BSCL2: variants seen among roughly 807,000 people sequenced by gnomAD.
BSCL2 encodes seipin.
In BSCL2, 41 loss-of-function variants were observed where a neutral mutation model predicts 57.4. The ratio of observed to expected loss-of-function variants is 0.71; its 90% CI spans 0.56 to 0.93. The LOEUF (loss-of-function observed/expected upper bound fraction) is 0.93, where lower values mean the gene tolerates loss of function less well. Ranked by LOEUF, BSCL2 falls within the 40% of genes least tolerant of loss-of-function variation. The pLI, the probability that BSCL2 is intolerant of heterozygous loss-of-function variation, is 0.00. For missense variants in BSCL2, 539 were observed against 586.7 expected, an observed-to-expected ratio of 0.92 and a Z score of 0.84; for synonymous variants, 237 against 227.3, an observed-to-expected ratio of 1.04 and a Z score of -0.38.
At chr11:62,705,683 A>G (rs1441665925) in intron 1 of BSCL2, 66 bp from the exon 2 acceptor site, 1 of 1,402,402 alleles carries the variant, frequency 7.1e-7, no homozygotes, top group Non-Finnish European at 9.5e-7. Flanking sequence ...AAAACAGCTT[A>G]CTGGACTGGC....
rs764526052 is a variant in BSCL2, at chr11:62,694,547, A to C, written c.630+21T>G. 2.5e-6 allele frequency: 4 copies of C among 1,613,772 alleles called. No individual in the cohort carries two copies. The South Asian group carries it at 4.4e-5, about 18-fold the overall frequency. On this transcript the variant is annotated intron_variant, in intron 4 of 10. Transcript: ENST00000360796. ...CTGCCATCTTCCTCCACACCTTCTC[A>C]GACAGGCCACCAACACTTACCGAAC...
At chr11:62,690,266 G>A (rs1310515312), downstream of BSCL2, 2 of 1,550,096 alleles carry the variant, frequency 1.3e-6, no homozygotes, top group Non-Finnish European at 1.8e-6. Flanking sequence ...CCATTTCAGA[G>A]TCAAGGAAGA....
chr11:62,707,280 C>T lies in BSCL2; in HGVS notation c.-85G>A. ...TGAAGTGGCGATCCAGACGCTGATA[C>T]CTGTGGCGCATCACATTTTCCTGGA... On this transcript the variant is annotated 5_prime_UTR_variant, in exon 1 of 11. Coordinates refer to ENST00000360796, the MANE Select transcript of BSCL2 (RefSeq NM_001122955.4). The T allele has an allele frequency of 8.6e-7, 1 of 1,160,156 alleles. No homozygotes were observed. Among genetic ancestry groups the T allele is most frequent in the Non-Finnish European group, 1.3e-6 (1 of 790,726 alleles). 71.9% of individuals were successfully genotyped at this position (1,160,156 alleles called of 1,614,324 possible).
intron 3 of BSCL2, among the ~76,000 whole-genome samples, chr11:62,697,151 T>C (rs1279350144): frequency 6.6e-6 from 1 of 151,912 alleles, no homozygotes; most frequent in African/African-American, 2.4e-5. Context: ...TCCCAGCACT[T>C]TGGGAGGCCA....
At chr11:62,699,964 G>A (rs1945591213) in intron 3 of BSCL2, among the ~76,000 whole-genome samples, 1 of 151,678 alleles carries the variant, frequency 6.6e-6, no homozygotes, top group Non-Finnish European at 1.5e-5. Flanking sequence ...TTACAGGCGT[G>A]AGCCACCACA....
Position 62,690,406 on chromosome 11 carries a change from C to T in BSCL2, c.1350G>A (p.Gly450=). The part of the protein sequence containing the change: ...LETLGSSEPA[G]GALRQRPTCS... ...AGGTGGGGCGCTGTCGGAGAGCACC[C>T]CCAGCAGGTTCAGAGCTGCCCAGAG... Residue 450 remains glycine, a synonymous_variant, in exon 11 of 11, where the codon GGG becomes GGA. Coordinates refer to ENST00000360796, the MANE Select transcript of BSCL2 (RefSeq NM_001122955.4). 6.2e-7 allele frequency: 1 copy of T among 1,614,074 alleles called. No individual in the cohort carries two copies. Among genetic ancestry groups the T allele is most frequent in the Admixed American group, 1.7e-5 (1 of 60,006 alleles).
chr11:62,701,841 A>G (rs1196191530), intron 3 of BSCL2, among the ~76,000 whole-genome samples: 2 of 151,782 alleles, frequency 1.3e-5, no homozygotes, highest in East Asian at 3.9e-4. Context: ...AAAAAAAAAA[A>G]AAAAAGAAAG....
chr11:62,694,682 A>G lies in BSCL2; in HGVS notation c.516T>C (p.Val172=). ...RVLMYGQPYR[V]TLELELPESP... is the part of the protein sequence containing the mutation. Reference sequence around the variant, plus strand: ...ACTCTGGCAGCTCAAGCTCTAAGGTAACACGATACGGCTGTCCATACATCA... The same window carrying G: ...ACTCTGGCAGCTCAAGCTCTAAGGTGACACGATACGGCTGTCCATACATCA... Residue 172 remains valine, a synonymous_variant, in exon 4 of 11, where the codon GTT becomes GTC. Transcript: ENST00000360796. 1.2e-6 allele frequency: 2 copies of G among 1,614,188 alleles called. No homozygotes were observed. Among genetic ancestry groups the G allele is most frequent in the Non-Finnish European group, 8.5e-7 (1 of 1,180,030 alleles).
At chr11:62,699,799 C>A (rs1276245025) in intron 3 of BSCL2, among the ~76,000 whole-genome samples, 4 of 151,016 alleles carry the variant, frequency 2.6e-5, no homozygotes, top group Non-Finnish European at 4.4e-5. Flanking sequence ...GTGCCTCAGC[C>A]TCCAAAGTAG....
chr11:62,706,721 G>C (rs1358147429), intron 1 of BSCL2: 2 of 495,296 alleles, frequency 4.0e-6, no homozygotes, highest in Non-Finnish European at 8.2e-6. Context: ...TCTAAGGCGG[G>C]GGCATTCGCC....
At position 62,690,843 on chromosome 11, in the gene BSCL2, G is replaced by C. The variant is rs1424325463; in HGVS notation, c.1097C>G (p.Thr366Ser). The change falls in exon 9 of 11, where the codon ACT becomes AGT. Residue 366 changes from threonine (T) to serine (S), a missense_variant. Physicochemically the swap from Thr to Ser is moderately conservative, Grantham distance 58 (BLOSUM62 1). Transcript: ENST00000360796. ...QPGPEGQEES[T>S]PQSDVTEDGE... ...ATCCTCTGTAACATCTGATTGCGGA[G>C]TTGACTCCTCCTGGCCTTCAGGCCC... 1.2e-6 allele frequency: 2 copies of C among 1,613,690 alleles called. No individual in the cohort carries two copies. Among genetic ancestry groups the C allele is most frequent in the Non-Finnish European group, 1.7e-6 (2 of 1,180,032 alleles).
intron 3 of BSCL2, among the ~76,000 whole-genome samples, chr11:62,701,958 G>A (rs566641708): frequency 9.2e-5 from 14 of 152,096 alleles, no homozygotes; most frequent in South Asian, 2.1e-4. Context: ...TTGAATTACC[G>A]TAAGTCAGGG....
rs1270876829 is a variant in BSCL2 at position 62,706,827 on chromosome 11, C to T, written c.87+282G>A. 6.8e-6 allele frequency: 4 copies of T among 592,482 alleles called. No homozygotes were observed. In the East Asian group the frequency reaches 1.3e-4, roughly 20 times the overall value. 36.7% of individuals were successfully genotyped at this position (592,482 alleles called of 1,614,324 possible). A position where few individuals can be genotyped will look rare whatever the true frequency, so the allele number is the denominator to read the frequency against. On this transcript the variant is annotated intron_variant, in intron 1 of 10. Transcript: ENST00000360796. ...CCAGCGTGGTAGCATTGTGGACCTC[C>T]TCTGACCCTAACTGGATACACTCTC...
intron 3 of BSCL2, among the ~76,000 whole-genome samples, chr11:62,697,994 G>A (rs973453778): frequency 1.4e-5 from 2 of 147,992 alleles, no homozygotes; most frequent in African/African-American, 5.0e-5. Context: ...TGTAAGCTCT[G>A]CCTCCCGGGT....
At chr11:62,702,769 C>T (rs757856200) in intron 2 of BSCL2, among the ~76,000 whole-genome samples, 13 of 152,098 alleles carry the variant, frequency 8.5e-5, no homozygotes, top group Non-Finnish European at 1.6e-4. Flanking sequence ...CCTCTCATTA[C>T]AACAGATGTT....
At chr11:62,704,559 A>G (rs1467957933) in intron 2 of BSCL2, among the ~76,000 whole-genome samples, 2 of 75,936 alleles carry the variant, frequency 2.6e-5, no homozygotes, top group Admixed American at 1.8e-4. Flanking sequence ...AACAAAAACA[A>G]TAACAAAACA....
At chr11:62,693,015 G>T (rs1027962873) in intron 4 of BSCL2, among the ~76,000 whole-genome samples, 1 of 151,968 alleles carries the variant, frequency 6.6e-6, no homozygotes, top group Admixed American at 6.6e-5. Context: ...TAGAGCAAAG[G>T]CCCCTCCTTC....
In BSCL2 at chr11:62,707,220, C is replaced by T; in HGVS notation, c.-25G>A. The T allele has an allele frequency of 6.5e-7, 1 of 1,547,658 alleles. No homozygotes were observed. Among genetic ancestry groups the T allele is most frequent in the Non-Finnish European group, 8.8e-7 (1 of 1,142,816 alleles). On this transcript the variant is annotated 5_prime_UTR_variant, in exon 1 of 11. Coordinates refer to ENST00000360796, the MANE Select transcript of BSCL2 (RefSeq NM_001122955.4). Reference sequence around the variant, plus strand: ...TCTTCCTGACGAGCCTCTGTTGACTCTGGATCTTCCACTGAGTCACTTGTG... The same window carrying T: ...TCTTCCTGACGAGCCTCTGTTGACTTTGGATCTTCCACTGAGTCACTTGTG...
At chr11:62,696,885 T>A (rs1398901359) in intron 3 of BSCL2, among the ~76,000 whole-genome samples, 1 of 151,708 alleles carries the variant, frequency 6.6e-6, no homozygotes, top group East Asian at 1.9e-4. Flanking sequence ...AATAGGTAGT[T>A]CTCTTAGCCA....
Sources: gnomAD v4.1 joint callset for allele counts (sites outside exome capture counted in the v4.1 genomes callset) on GRCh38, gnomAD v4.1.1 for gene constraint, MANE v1.5 for transcripts, NCBI Gene and HGNC (gene_info 2026-07-23, HGNC 2026-07-21) for gene names.